The following SPACA9 variants were observed in gnomAD, a reference collection of about 807,000 sequenced individuals.
SPACA9 encodes sperm acrosome-associated protein 9.
Under a neutral mutation model 12.5 loss-of-function variants are expected in SPACA9, and 14 were observed. The ratio of observed to expected loss-of-function variants is 1.12; its 90% CI spans 0.74 to 1.75. SPACA9 has a LOEUF of 1.75. Ranked by LOEUF, SPACA9 falls within the 40% of genes most tolerant of loss-of-function variation. The pLI is 0.00. For missense variants in SPACA9, 292 were observed against 291.9 expected (o/e 1.00, Z 0.00); for synonymous variants, 111 against 114.1 (o/e 0.97, Z 0.17).
rs764556811 is a variant in SPACA9 at position 132,888,280 on chromosome 9, C to T, written c.348-10C>T. The T allele has an allele frequency of 6.3e-6, 10 of 1,589,736 alleles. No individual in the cohort carries two copies. The highest frequency in any genetic ancestry group is 2.3e-5 in the South Asian group (2 of 87,966). On this transcript the variant is annotated splice_polypyrimidine_tract_variant and intron_variant, in intron 3 of 3. Transcript: ENST00000356311. This position sits in a 1 kb window ranked among gnomAD's most constrained non-coding sequence, Gnocchi z 5.0. ...AGCATGGGTTCACCTGGCCCCCTGC[C>T]GTCCTGCAGATACCCTCATGATGTG...
Position 132,889,291 on chromosome 9 carries a change from C to G in SPACA9, c.*680C>G. 6 of 985,756 alleles carry G rather than the reference C, an allele frequency of 6.1e-6. No individual in the cohort carries two copies. The highest frequency in any genetic ancestry group is 7.2e-6 in the Non-Finnish European group (6 of 830,198). The allele number at this position is 985,756 out of a possible 1,614,324, so 61.1% of individuals were successfully genotyped here. ...TTGCAGAGGGTGATCAAGCTGGAGA[C>G]CATCTGCTCCTTGCCCCACCACCAG... On this transcript the variant is annotated 3_prime_UTR_variant, in exon 4 of 4. Coordinates refer to ENST00000356311, the MANE Select transcript of SPACA9 (RefSeq NM_001316897.2).
At position 132,887,250 on chromosome 9, in the gene SPACA9, C is replaced by A. The variant is rs77377515; in HGVS notation, c.145-119C>A. 2.1e-5 allele frequency: 17 copies of A among 820,276 alleles called. No individual in the cohort carries two copies. In the East Asian group the frequency reaches 4.1e-4, roughly 20 times the overall value. The allele number at this position is 820,276 out of a possible 1,614,324, so 50.8% of individuals were successfully genotyped here. On this transcript the variant is annotated intron_variant, in intron 2 of 3. Transcript: ENST00000356311. This position sits in a 1 kb window ranked among gnomAD's most constrained non-coding sequence, Gnocchi z 5.4. ...AAATGCTTAAGCGTTACTTGCGTCT[C>A]CCCCATGAGTCATGTAGGGTGGGAG... is the stretch of plus-strand genomic sequence containing the variant.
chr9:132,883,931 G>T lies in SPACA9; in HGVS notation c.-17G>T. On this transcript the variant is annotated 5_prime_UTR_variant, in exon 2 of 4. An upstream start codon of the reference 5' UTR is lost. Coordinates refer to ENST00000356311, the MANE Select transcript of SPACA9 (RefSeq NM_001316897.2). ...CATAGATTCCTCTTCTCCTGTAAAT[G>T]ACCACAGAGGAAGACAATGAATGAG... The T allele has an allele frequency of 6.2e-7, 1 of 1,613,444 alleles. No homozygotes were observed. Among genetic ancestry groups the T allele is most frequent in the South Asian group, 1.1e-5 (1 of 90,988 alleles).
chr9:132,888,496 C>T lies in SPACA9; in HGVS notation c.554C>T (p.Ala185Val). The change falls in exon 4 of 4, where the codon GCC (alanine) becomes GTC (valine). Residue 185 changes from alanine (A) to valine (V), a missense_variant. By Grantham distance (64) the Ala-to-Val change is moderately conservative. Transcript: ENST00000356311. The surrounding 1 kb of genome is among the most constrained non-coding windows in gnomAD (Gnocchi z 5.0). ...STRGAARPAQ[A>V]IGTQPRATKH... is the part of the protein sequence containing the mutation. ...AGGGGAGCCGCTCGTCCTGCCCAGG[C>T]CATAGGGACCCAGCCCAGGGCCACT... is the stretch of plus-strand genomic sequence containing the variant. 1 of 1,598,764 alleles carries T rather than the reference C, an allele frequency of 6.3e-7. No individual in the cohort carries two copies. Among genetic ancestry groups the T allele is most frequent in the Non-Finnish European group, 8.5e-7 (1 of 1,173,282 alleles).
At chr9:132,885,531 A>G (rs1426693460) in intron 2 of SPACA9, among the ~76,000 whole-genome samples, 1 of 151,802 alleles carries the variant, frequency 6.6e-6, no homozygotes, top group Non-Finnish European at 1.5e-5. Flanking sequence ...AAAAAAAAAA[A>G]AAAAGTTAAA....
rs1844605048 is a variant in SPACA9, at chr9:132,887,585, A to T, written c.347+14A>T. 1 of 1,610,958 alleles carries T rather than the reference A, an allele frequency of 6.2e-7. No individual in the cohort carries two copies. Among genetic ancestry groups the T allele is most frequent in the African/African-American group, 1.3e-5 (1 of 74,834 alleles). On this transcript the variant is annotated intron_variant, in intron 3 of 3. Transcript: ENST00000356311. The surrounding 1 kb of genome is among the most constrained non-coding windows in gnomAD (Gnocchi z 5.4). ...CCTCAGAGCAAAGTAAGTCCCTCTG[A>T]TGCTGCTCTTGAGGCCCCGTGTGTG...
rs1348521306 is a variant in SPACA9 at position 132,889,262 on chromosome 9, A to G, written c.*651A>G. On this transcript the variant is annotated 3_prime_UTR_variant, in exon 4 of 4. Coordinates refer to ENST00000356311, the MANE Select transcript of SPACA9 (RefSeq NM_001316897.2). Reference sequence around the variant, plus strand: ...CACGCCTGTCCCTGCTGCGGGCTGCAGTTTTGCAGAGGGTGATCAAGCTGG... The same window carrying G: ...CACGCCTGTCCCTGCTGCGGGCTGCGGTTTTGCAGAGGGTGATCAAGCTGG... 1 of 986,064 alleles carries G rather than the reference A, an allele frequency of 1.0e-6. No homozygotes were observed. Among genetic ancestry groups the G allele is most frequent in the Non-Finnish European group, 1.2e-6 (1 of 830,480 alleles). 61.1% of individuals were successfully genotyped at this position (986,064 alleles called of 1,614,324 possible).
chr9:132,884,119 G>T (rs777619966), intron 2 of SPACA9, 28 bp downstream of exon 2: 1 of 1,605,274 alleles, frequency 6.2e-7, no homozygotes, highest in Admixed American at 1.7e-5. Flanking sequence ...CACCCCGGCC[G>T]AGGGGCAACA....
At chr9:132,880,928 T>A (rs1030516706) in intron 1 of SPACA9, among the ~76,000 whole-genome samples, 21 of 151,176 alleles carry the variant, frequency 1.4e-4, no homozygotes, top group Non-Finnish European at 2.2e-4. Flanking sequence ...GTTCACGCCA[T>A]TCTCCTGCCT....
At chr9:132,878,373 C>T, upstream of SPACA9, 2 of 1,248,654 alleles carry the variant, frequency 1.6e-6, no homozygotes. This position sits in a 1 kb window ranked among gnomAD's most constrained non-coding sequence, Gnocchi z 4.7. Context: ...CCCAGATACC[C>T]GATCCTCGGT....
chr9:132,888,748 T>C lies in SPACA9; in HGVS notation c.*137T>C, dbSNP rs982878326. On this transcript the variant is annotated 3_prime_UTR_variant, in exon 4 of 4. Transcript: ENST00000356311. The surrounding 1 kb of genome is among the most constrained non-coding windows in gnomAD (Gnocchi z 5.0). Reference sequence around the variant, plus strand: ...GAATCAGCCAATATATTACTGAGACTTCCTCTCTCTCTTCTTGCTTTAACT... The same window carrying C: ...GAATCAGCCAATATATTACTGAGACCTCCTCTCTCTCTTCTTGCTTTAACT... The C allele has an allele frequency of 1.4e-6, 2 of 1,422,676 alleles. No individual in the cohort carries two copies. Among genetic ancestry groups the C allele is most frequent in the African/African-American group, 2.9e-5 (2 of 69,308 alleles). 88.1% of individuals were successfully genotyped at this position (1,422,676 alleles called of 1,614,324 possible).
Position 132,888,264 on chromosome 9 carries a change from T to C in SPACA9, c.348-26T>C, listed in dbSNP as rs1394378414. ...CATGGCAAGTCCCGGGAGCATGGGT[T>C]CACCTGGCCCCCTGCCGTCCTGCAG... On this transcript the variant is annotated intron_variant, in intron 3 of 3. Coordinates refer to ENST00000356311, the MANE Select transcript of SPACA9 (RefSeq NM_001316897.2). The surrounding 1 kb of genome is among the most constrained non-coding windows in gnomAD (Gnocchi z 5.0). 1 of 1,574,802 alleles carries C rather than the reference T, an allele frequency of 6.3e-7. No homozygotes were observed. The highest frequency in any genetic ancestry group is 8.6e-7 in the Non-Finnish European group (1 of 1,158,442).
chr9:132,883,855 G>A, intron 1 of SPACA9, 56 bp from the exon 2 acceptor site: 1 of 1,379,468 alleles, frequency 7.2e-7, no homozygotes, highest in South Asian at 1.2e-5. Flanking sequence ...TCCCTCCGGA[G>A]CTGGATCCGA....
chr9:132,886,577 G>A (rs1049549440), intron 2 of SPACA9, among the ~76,000 whole-genome samples: 10 of 152,288 alleles, frequency 6.6e-5, no homozygotes, highest in African/African-American at 2.4e-4. Context: ...ACTGAGCTGG[G>A]GACACCCAAC....
At chr9:132,878,346 G>A (rs1444103160), upstream of SPACA9, 1 of 1,268,636 alleles carries the variant, frequency 7.9e-7, no homozygotes, top group African/African-American at 1.5e-5. The surrounding 1 kb of genome is among the most constrained non-coding windows in gnomAD (Gnocchi z 4.7). Context: ...GCCCCGCCCT[G>A]CAGGCTCCGC....
At chr9:132,886,711 A>C (rs1844575245) in intron 2 of SPACA9, among the ~76,000 whole-genome samples, 1 of 152,214 alleles carries the variant, frequency 6.6e-6, no homozygotes. Context: ...GTTTAGATGA[A>C]GACAGGCGAG....
At chr9:132,886,107 G>A (rs1200025167) in intron 2 of SPACA9, among the ~76,000 whole-genome samples, 2 of 152,184 alleles carry the variant, frequency 1.3e-5, no homozygotes, top group Non-Finnish European at 2.9e-5. Flanking sequence ...AAAGACAAAC[G>A]GTTACAGCAA....
chr9:132,883,889 A>C, intron 1 of SPACA9, 22 bp from the exon 2 acceptor site: 3 of 1,584,916 alleles, frequency 1.9e-6, no homozygotes, highest in Non-Finnish European at 2.6e-6. Context: ...GGACCTCATC[A>C]CTATCCTCTG....
rs57894570 is a variant in SPACA9 at position 132,888,452 on chromosome 9, G to C, written c.510G>C (p.Gln170His). ...RKVLQHVSEP[Q>H]AHQESTRGAA... is the part of the protein sequence containing the mutation. ...TGCTGCAGCACGTGAGTGAGCCCCA[G>C]GCGCACCAGGAGAGCACCAGGGGAG... The change falls in exon 4 of 4, where the codon CAG becomes CAC. Residue 170 changes from glutamine to histidine, a missense_variant. Transcript: ENST00000356311. This position sits in a 1 kb window ranked among gnomAD's most constrained non-coding sequence, Gnocchi z 5.0. 4 of 1,613,194 alleles carry C rather than the reference G, an allele frequency of 2.5e-6. No homozygotes were observed. The highest frequency in any genetic ancestry group is 3.4e-6 in the Non-Finnish European group (4 of 1,179,760).
Sources: allele counts gnomAD v4.1 joint callset (sites outside exome capture counted in the v4.1 genomes callset), GRCh38; gene constraint gnomAD v4.1.1; non-coding constraint Gnocchi (gnomAD v3.1); transcripts MANE v1.5; gene names NCBI Gene and HGNC (gene_info 2026-07-23, HGNC 2026-07-21).